The following ENPP1 variants were observed in gnomAD, a reference collection of about 807,000 sequenced individuals.
ENPP1 encodes the protein ectonucleotide pyrophosphatase/phosphodiesterase family member 1.
ENPP1 carries 73 observed loss-of-function variants against 122.8 expected under a neutral mutation model. The ratio of observed to expected loss-of-function variants is 0.59; its 90% CI spans 0.49 to 0.72. The LOEUF (loss-of-function observed/expected upper bound fraction) is 0.72, where lower values mean the gene tolerates loss of function less well. Among genes scored for constraint, ENPP1 ranks in the 30% least tolerant of loss-of-function variants. The probability of loss-of-function intolerance (pLI) is 0.00; values close to 1 mark genes in which losing one functional copy is unlikely to be tolerated. For synonymous variants in ENPP1, 367 were observed against 391.6 expected, an observed-to-expected ratio of 0.94 and a Z score of 0.74; for missense variants, 978 against 1,128.1, an observed-to-expected ratio of 0.87 and a Z score of 1.91.
Position 131,864,523 on chromosome 6 carries a change from A to G in ENPP1, c.1043A>G (p.Glu348Gly). 1 of 1,609,372 alleles carries G rather than the reference A, an allele frequency of 6.2e-7. No individual in the cohort carries two copies. The highest frequency in any genetic ancestry group is 8.5e-7 in the Non-Finnish European group (1 of 1,175,898). The change falls in exon 10 of 25, where the codon GAA (glutamate) becomes GGA (glycine). Residue 348 changes from glutamate (E) to glycine (G), a missense_variant. This residue lies in a region of ENPP1 where 644 missense variants were observed against 781.5 expected (regional missense o/e 0.82). Coordinates refer to ENST00000647893, the MANE Select transcript of ENPP1 (RefSeq NM_006208.3). ...KMYNGSVPFE[E>G]RILAVLQWLQ... Reference sequence around the variant, plus strand: ...CATTTTAGTTCAGTACCATTTGAAGAAAGGATTTTAGCTGTTCTTCAGTGG... The same window carrying G: ...CATTTTAGTTCAGTACCATTTGAAGGAAGGATTTTAGCTGTTCTTCAGTGG...
rs1782490899 is a variant in ENPP1, at chr6:131,892,995, A to G, written c.*2484A>G. The G allele has an allele frequency of 1.3e-5, 2 of 151,854 alleles. No individual in the cohort carries two copies. Among genetic ancestry groups the G allele is most frequent in the Non-Finnish European group, 2.9e-5 (2 of 67,980 alleles). The allele number at this position is 151,854 out of a possible 1,614,324, so 9.4% of individuals were successfully genotyped here. ...ATGAGCTGAAAAGAAAATGTAGGGA[A>G]CTCATCACAGTGTTGTTACTTGGGC... On this transcript the variant is annotated 3_prime_UTR_variant, in exon 25 of 25. Transcript: ENST00000647893.
chr6:131,835,957 C>A (rs953120958), intron 1 of ENPP1, among the ~76,000 whole-genome samples: 1 of 152,168 alleles, frequency 6.6e-6, no homozygotes, highest in Non-Finnish European at 1.5e-5. Flanking sequence ...AGGCCCAGAT[C>A]CCCTAAGTGA....
intron 1 of ENPP1, among the ~76,000 whole-genome samples, chr6:131,823,241 C>G (rs1268271191): frequency 1.3e-5 from 2 of 152,202 alleles, no homozygotes; most frequent in Non-Finnish European, 2.9e-5. Flanking sequence ...GACTTATCTC[C>G]TTTAATGGGT....
At chr6:131,882,072 T>G (rs1782318298) in intron 20 of ENPP1, among the ~76,000 whole-genome samples, 1 of 151,584 alleles carries the variant, frequency 6.6e-6, no homozygotes. Flanking sequence ...TAAAATTGTG[T>G]AGATAAAATC....
intron 1 of ENPP1, chr6:131,827,787 C>A: frequency 1.1e-6 from 1 of 877,778 alleles, no homozygotes. Context: ...CCAAAGCCCG[C>A]TGCAGGTGGG....
chr6:131,808,317 G>A, intron 1 of ENPP1, 42 bp downstream of exon 1: 7 of 1,476,690 alleles, frequency 4.7e-6, no homozygotes, highest in Non-Finnish European at 6.3e-6. Flanking sequence ...AGGGCTGGGA[G>A]TACGGGGAGG....
Position 131,879,901 on chromosome 6 carries a change from C to G in ENPP1, c.1967C>G (p.Thr656Ser). The G allele has an allele frequency of 6.2e-7, 1 of 1,613,724 alleles. No individual in the cohort carries two copies. Among genetic ancestry groups the G allele is most frequent in the Non-Finnish European group, 8.5e-7 (1 of 1,179,684 alleles). Reference sequence around the variant, plus strand: ...CAAGAGAAGATTATTAAGCATGAAACTTTACCCTATGGAAGACCTAGAGTT... The same window carrying G: ...CAAGAGAAGATTATTAAGCATGAAAGTTTACCCTATGGAAGACCTAGAGTT... ...VAEEKIIKHE[T>S]LPYGRPRVLQ... Residue 656 changes from threonine to serine, a missense_variant, in exon 20 of 25, where the codon ACT becomes AGT. Thr to Ser is a moderately conservative substitution (Grantham distance 58). Around this residue, in one of 3 missense-constraint regions of ENPP1, gnomAD observed 644 missense variants for 781.5 expected, o/e 0.82. Transcript: ENST00000647893.
At chr6:131,856,252 T>C (rs1781944092) in intron 6 of ENPP1, among the ~76,000 whole-genome samples, 2 of 152,146 alleles carry the variant, frequency 1.3e-5, no homozygotes, top group African/African-American at 4.8e-5. Context: ...ATGATGAGCA[T>C]TTTTTCATGT....
At chr6:131,866,208 C>T (rs1365081042) in intron 11 of ENPP1, among the ~76,000 whole-genome samples, 1 of 151,958 alleles carries the variant, frequency 6.6e-6, no homozygotes, top group Non-Finnish European at 1.5e-5. Context: ...CTTGTGCCCC[C>T]TGTGATTCCA....
Position 131,877,838 on chromosome 6 carries a change from C to CAAAAAAA in ENPP1, c.1894-681_1894-675dup, listed in dbSNP as rs1169868832. 4.1e-4 allele frequency: 5 copies of CAAAAAAA among 12,106 alleles called. 1 individual carries two copies. Among genetic ancestry groups the CAAAAAAA allele is most frequent in the East Asian group, 3.5e-3 (1 of 288 alleles). 0.7% of individuals were successfully genotyped at this position (12,106 alleles called of 1,614,324 possible). A position where few individuals can be genotyped will look rare whatever the true frequency, so the allele number is the denominator to read the frequency against. The stretch of plus-strand genomic sequence containing the variant: ...TGGGCAACAGGGCAAGACCCTTTCT[C>CAAAAAAA]AAAAAAAAAAAAAAAAAAAAAAAAA... On this transcript the variant is annotated intron_variant, in intron 18 of 24. Transcript: ENST00000647893.
intron 1 of ENPP1, among the ~76,000 whole-genome samples, chr6:131,817,774 C>CACACACAT (rs1209479581): frequency 6.6e-6 from 1 of 151,624 alleles, no homozygotes; most frequent in East Asian, 1.9e-4. Context: ...CACACACACA[C>CACACACAT]ACACACACAC....
chr6:131,868,494 C>T (rs1782118343), intron 12 of ENPP1, among the ~76,000 whole-genome samples: 1 of 152,164 alleles, frequency 6.6e-6, no homozygotes, highest in African/African-American at 2.4e-5. Flanking sequence ...GGCTGGAGTG[C>T]AGTAGCATGA....
At chr6:131,831,871 T>C (rs1781618484) in intron 1 of ENPP1, among the ~76,000 whole-genome samples, 1 of 152,230 alleles carries the variant, frequency 6.6e-6, no homozygotes, top group African/African-American at 2.4e-5. Flanking sequence ...AGAGTTACAT[T>C]CCACCTCCTT....
In ENPP1 at chr6:131,825,705, A is replaced by T. The variant is rs148036462; in HGVS notation, c.240+17430A>T. Among the ~76,000 whole-genome samples the T allele has an allele frequency of 3.7e-3, 559 of 152,342 alleles. 3 individuals are homozygous for T. Among genetic ancestry groups the T allele is most frequent in the African/African-American group, 0.012 (497 of 41,580 alleles). ...TAGAAGACAAATTAAAAGAGTTAAGATATCAACGTTCTTATAAATATTATT... is the reference window on the plus strand; with the variant it reads ...TAGAAGACAAATTAAAAGAGTTAAGTTATCAACGTTCTTATAAATATTATT... On this transcript the variant is annotated intron_variant, in intron 1 of 24. Transcript: ENST00000647893.
intron 1 of ENPP1, chr6:131,827,895 G>C (rs1310423625): frequency 1.3e-4 from 176 of 1,388,054 alleles, no homozygotes; most frequent in Non-Finnish European, 1.6e-4. Context: ...CTGACTGCTC[G>C]GCCACTGTTT....
chr6:131,852,117 C>A, intron 4 of ENPP1, 58 bp from the exon 5 acceptor site: 1 of 1,099,454 alleles, frequency 9.1e-7, no homozygotes, highest in Non-Finnish European at 1.4e-6. Flanking sequence ...GTCTCACAAG[C>A]ATCACAATTA....
chr6:131,880,816 A>G (rs1782295472), intron 20 of ENPP1, among the ~76,000 whole-genome samples: 1 of 152,118 alleles, frequency 6.6e-6, no homozygotes, highest in Admixed American at 6.5e-5. Context: ...CTATAGGAAG[A>G]CACGAGCCCA....
chr6:131,843,496 A>T, intron 1 of ENPP1, among the ~76,000 whole-genome samples: 1 of 152,104 alleles, frequency 6.6e-6, no homozygotes, highest in East Asian at 1.9e-4. Context: ...CTTGCTTACC[A>T]CCTAGTCTTT....
At chr6:131,819,937 T>TTC in intron 1 of ENPP1, 2 of 502,650 alleles carry the variant, frequency 4.0e-6, no homozygotes, top group Non-Finnish European at 3.7e-6. Flanking sequence ...TTTCCATAGC[T>TTC]TCTTTTTTTT....
Sources: gnomAD v4.1 joint callset for allele counts (sites outside exome capture counted in the v4.1 genomes callset) on GRCh38, gnomAD v4.1.1 for gene constraint, gnomAD v4.1.1 regional missense constraint, MANE v1.5 for transcripts, NCBI Gene and HGNC (gene_info 2026-07-23, HGNC 2026-07-21) for gene names.